FHAD1: variants seen among roughly 807,000 people sequenced by gnomAD.
FHAD1 encodes forkhead associated phosphopeptide binding domain 1, also known as forkhead-associated domain-containing protein 1.
FHAD1 carries 146 observed loss-of-function variants against 191.3 expected under a neutral mutation model. The observed-to-expected ratio is 0.76, with a 90% CI of 0.67 to 0.88. FHAD1 has a LOEUF of 0.88. Among genes scored for constraint, FHAD1 ranks in the 40% least tolerant of loss-of-function variants. FHAD1 has a pLI of 0.00. For missense variants in FHAD1, 1,635 were observed against 1,785.8 expected (o/e 0.92, Z 1.52); for synonymous variants, 616 against 672.3 (o/e 0.92, Z 1.29).
At chr1:15,364,159 ACACT>A (rs1695683387) in intron 23 of FHAD1, 1 of 215,582 alleles carries the variant, frequency 4.6e-6, no homozygotes. Context: ...AGCCAAGAAC[ACACT>A]CACGTGGACA....
intron 3 of FHAD1, among the ~76,000 whole-genome samples, chr1:15,287,783 T>C (rs183152993): frequency 1.3e-4 from 20 of 152,310 alleles, no homozygotes; most frequent in Admixed American, 1.3e-3. Context: ...CCTGAGCAGC[T>C]GTAGACAGAC....
Position 15,339,507 on chromosome 1 carries a change from C to G in FHAD1, c.1933C>G (p.Leu645Val), listed in dbSNP as rs906806815. 4.9e-5 allele frequency: 63 copies of G among 1,284,850 alleles called. No individual in the cohort carries two copies. Among genetic ancestry groups the G allele is most frequent in the Non-Finnish European group, 6.1e-5 (60 of 976,396 alleles). The allele number at this position is 1,284,850 out of a possible 1,614,324, so 79.6% of individuals were successfully genotyped here. The stretch of plus-strand genomic sequence containing the variant: ...GTTCTCTTTGTATCTGATATATCTT[C>G]TGGAACATTATAAAAAACTTATGAG... ...KGFSLYLIYL[L>V]EHYKKLMSQA... Residue 645 changes from leucine to valine, a missense_variant, in exon 15 of 34, where the codon CTG becomes GTG. Leu to Val is a conservative substitution (Grantham distance 32). Transcript: ENST00000688493.
In FHAD1 at chr1:15,263,510, CTTTT is replaced by C. The variant is rs771788861; in HGVS notation, c.94-8791_94-8788del. On this transcript the variant is annotated intron_variant, in intron 2 of 33. Coordinates refer to ENST00000688493, the MANE Select transcript of FHAD1 (RefSeq NM_001391957.1). Reference sequence around the variant, plus strand: ...TGTAAGTTAAGGGTCCAGTTTTATTCTTTTTTTTTTTTTTTTTTTTTTTTTGTCT... The same window carrying C: ...TGTAAGTTAAGGGTCCAGTTTTATTCTTTTTTTTTTTTTTTTTTTTTGTCT... 1.5e-4 allele frequency among the ~76,000 whole-genome samples: 11 copies of C among 75,054 alleles called. No homozygotes were observed. The Admixed American group carries it at 1.5e-3, about 10-fold the overall frequency. 49.2% of individuals were successfully genotyped at this position (75,054 alleles called of 152,430 possible). A position where few individuals can be genotyped will look rare whatever the true frequency, so the allele number is the denominator to read the frequency against.
chr1:15,334,196 A>G (rs1683002456), intron 14 of FHAD1: 3 of 152,140 alleles, frequency 2.0e-5, no homozygotes, highest in South Asian at 2.1e-4. Flanking sequence ...CAGCTGGTAC[A>G]TTAGGGTTAA....
rs1487960230 is a variant in FHAD1, at chr1:15,327,116, C to A, written c.1531C>A (p.Arg511=). ...KATYGRAKPF[R]DKPVTDQQLI... ...CACCTATGGACGGGCGAAGCCGTTCCGGGACAAGCCCGTCACCGACCAACA... is the reference window on the plus strand; with the variant it reads ...CACCTATGGACGGGCGAAGCCGTTCAGGGACAAGCCCGTCACCGACCAACA... The change falls in exon 12 of 34, where the codon CGG becomes AGG. Residue 511 remains arginine (R), a synonymous_variant. Transcript: ENST00000688493. The surrounding 1 kb of genome is among the most constrained non-coding windows in gnomAD (Gnocchi z 5.1). 2 of 1,551,344 alleles carry A rather than the reference C, an allele frequency of 1.3e-6. No homozygotes were observed. The highest frequency in any genetic ancestry group is 2.4e-5 in the East Asian group (1 of 40,902).
intron 17 of FHAD1, 49 bp from the exon 18 acceptor site, chr1:15,345,367 G>C: frequency 6.6e-7 from 1 of 1,518,614 alleles, no homozygotes; most frequent in Non-Finnish European, 9.0e-7. Context: ...GCAGAGTCCA[G>C]TTTCCTCCCA....
At chr1:15,398,551 C>T (rs1435502771), downstream of FHAD1, among the ~76,000 whole-genome samples, 1 of 152,144 alleles carries the variant, frequency 6.6e-6, no homozygotes, top group Admixed American at 6.5e-5. Context: ...CTAATTCCAT[C>T]TCATACTGTC....
rs1384430423 is a variant in FHAD1, at chr1:15,308,652, C to T, written c.955C>T (p.Gln319Ter). The change falls in exon 7 of 34, where the codon CAG becomes TAG. Residue 319 changes from glutamine (Q) to a stop codon, truncating the protein, a stop_gained. Transcript: ENST00000688493. LOFTEE classifies it high-confidence loss of function. ...GAAAGGCTACAGCAAGGTGCTGTGCCAGACCCTGTCAGAGCGGAACTCAGA... is the reference window on the plus strand; with the variant it reads ...GAAAGGCTACAGCAAGGTGCTGTGCTAGACCCTGTCAGAGCGGAACTCAGA... ...LQKGYSKVLC[Q>*]TLSERNSEIT... 3 of 1,551,746 alleles carry T rather than the reference C, an allele frequency of 1.9e-6. No homozygotes were observed. In the East Asian group the frequency reaches 7.3e-5, roughly 38 times the overall value.
intron 14 of FHAD1, among the ~76,000 whole-genome samples, chr1:15,337,239 G>A (rs1043548078): frequency 6.6e-6 from 1 of 152,172 alleles, no homozygotes; most frequent in Non-Finnish European, 1.5e-5. Flanking sequence ...TCCCTCCCCA[G>A]AGTCCTGCCA....
rs557576791 is a variant in FHAD1 at position 15,391,360 on chromosome 1, G to A, written c.4323+97G>A. 7.8e-5 allele frequency: 57 copies of A among 730,996 alleles called. No individual in the cohort carries two copies. In the African/African-American group the frequency reaches 8.8e-4, roughly 11 times the overall value. The allele number at this position is 730,996 out of a possible 1,614,324, so 45.3% of individuals were successfully genotyped here. A position where few individuals can be genotyped will look rare whatever the true frequency, so the allele number is the denominator to read the frequency against. On this transcript the variant is annotated intron_variant, in intron 33 of 33. Transcript: ENST00000688493. ...AGACGGAATCTCACTCTGTTGCCCA[G>A]GCTGGAGTGCAGTGGCTAGTTCTGT...
At chr1:15,401,909 ATGTGCCTGCTTT>A (rs1707136915), downstream of FHAD1, among the ~76,000 whole-genome samples, 1 of 152,114 alleles carries the variant, frequency 6.6e-6, no homozygotes. Context: ...TCATGACCTT[ATGTGCCTGCTTT>A]TGTTTTTAAA....
chr1:15,255,454 T>C (rs183596079), intron 2 of FHAD1, among the ~76,000 whole-genome samples: 8 of 152,350 alleles, frequency 5.3e-5, no homozygotes, highest in Non-Finnish European at 2.9e-5. Flanking sequence ...AGACTTTTTT[T>C]TTCTGTATCA....
chr1:15,273,889 T>C (rs1237318030), intron 3 of FHAD1, among the ~76,000 whole-genome samples: 1 of 152,182 alleles, frequency 6.6e-6, no homozygotes, highest in African/African-American at 2.4e-5. Flanking sequence ...GAGCACACTG[T>C]CTCCCTGTTG....
At chr1:15,296,208 G>T (rs981530503) in intron 4 of FHAD1, among the ~76,000 whole-genome samples, 2 of 151,634 alleles carry the variant, frequency 1.3e-5, no homozygotes, top group Non-Finnish European at 2.9e-5. Flanking sequence ...GTACTTCCGT[G>T]ATGCTTTCAC....
chr1:15,317,722 A>T, intron 9 of FHAD1, 102 bp from the exon 10 acceptor site: 1 of 713,304 alleles, frequency 1.4e-6, no homozygotes, highest in Non-Finnish European at 2.4e-6. Flanking sequence ...TTTCCACCTT[A>T]ATGGATGGGA....
At chr1:15,360,377 TG>T in intron 21 of FHAD1, 100 bp from the exon 22 acceptor site, 1 of 1,004,484 alleles carries the variant, frequency 1.0e-6, no homozygotes, top group Non-Finnish European at 1.5e-6. Flanking sequence ...GGCCCTGGGG[TG>T]GGGCCCAGTT....
In FHAD1 at chr1:15,289,998, G is replaced by C. The variant is rs1663994165; in HGVS notation, c.568+332G>C. On this transcript the variant is annotated intron_variant, in intron 4 of 33. Transcript: ENST00000688493. This position sits in a 1 kb window ranked among gnomAD's most constrained non-coding sequence, Gnocchi z 4.2. ...GATCACGTCAACACACTTTGACTCA[G>C]TTGTGCAAAAATATTAGTAATTGCA... Among the ~76,000 whole-genome samples the C allele has an allele frequency of 6.6e-6, 1 of 152,116 alleles. No individual in the cohort carries two copies. The highest frequency in any genetic ancestry group is 2.4e-5 in the African/African-American group (1 of 41,428).
chr1:15,358,134 G>A lies in FHAD1; in HGVS notation c.2587G>A (p.Glu863Lys), dbSNP rs1291033166. The change falls in exon 21 of 34, where the codon GAG becomes AAG. Residue 863 changes from glutamate to lysine, a missense_variant. Physicochemically the swap from Glu to Lys is moderately conservative, Grantham distance 56 (BLOSUM62 1). Coordinates refer to ENST00000688493, the MANE Select transcript of FHAD1 (RefSeq NM_001391957.1). ...KEELELKEQK[E>K]DVLNNKLSDA... ...GGAATTAGAATTAAAAGAGCAAAAA[G>A]AGGACGTTTTAAATAATAAATTAAG... 6.6e-7 allele frequency: 1 copy of A among 1,512,068 alleles called. No individual in the cohort carries two copies. Among genetic ancestry groups the A allele is most frequent in the African/African-American group, 1.4e-5 (1 of 70,396 alleles). The allele number at this position is 1,512,068 out of a possible 1,614,324, so 93.7% of individuals were successfully genotyped here. A position where few individuals can be genotyped will look rare whatever the true frequency, so the allele number is the denominator to read the frequency against.
chr1:15,395,385 C>G (rs879865612), intron 33 of FHAD1, among the ~76,000 whole-genome samples: 1 of 151,880 alleles, frequency 6.6e-6, no homozygotes, highest in South Asian at 2.1e-4. Flanking sequence ...TGCATGCACT[C>G]GGGCACACAC....
Sources: allele counts gnomAD v4.1 joint callset (sites outside exome capture counted in the v4.1 genomes callset), GRCh38; gene constraint gnomAD v4.1.1; non-coding constraint Gnocchi (gnomAD v3.1); transcripts MANE v1.5; gene names NCBI Gene and HGNC (gene_info 2026-07-23, HGNC 2026-07-21).